TENM4: variants seen among roughly 807,000 people sequenced by gnomAD.
TENM4 encodes teneurin transmembrane protein 4.
Under a neutral mutation model 243.3 loss-of-function variants are expected in TENM4, and 82 were observed. The ratio of observed to expected loss-of-function variants is 0.34; its 90% CI spans 0.28 to 0.40. The LOEUF (loss-of-function observed/expected upper bound fraction) is 0.40. Ranked by LOEUF, TENM4 falls within the 10% of genes least tolerant of loss-of-function variation. TENM4 has a pLI of 1.00. For missense variants in TENM4, 3,138 were observed against 3,673.3 expected (o/e 0.85, Z 3.77); for synonymous variants, 1,412 against 1,456.3 (o/e 0.97, Z 0.69).
chr11:78,804,620 T>C (rs1239777681), intron 15 of TENM4, among the ~76,000 whole-genome samples: 8 of 152,172 alleles, frequency 5.3e-5, no homozygotes, highest in Non-Finnish European at 1.2e-4. Context: ...CTTTGTACCT[T>C]ATATGTACAA....
chr11:79,372,638 G>A (rs1001494207), intron 1 of TENM4, among the ~76,000 whole-genome samples: 1 of 152,204 alleles, frequency 6.6e-6, no homozygotes, highest in African/African-American at 2.4e-5. Flanking sequence ...CTTTGAGAAT[G>A]TGGACAAGTC....
chr11:79,328,787 C>CAT (rs10644121), intron 1 of TENM4, among the ~76,000 whole-genome samples: 116,191 of 151,324 alleles, frequency 0.77, 44,971 homozygotes, highest in South Asian at 0.86. Flanking sequence ...GTTAAGCATG[C>CAT]ATATATATAT....
chr11:79,402,005 A>T (rs1318676800), intron 1 of TENM4: 1 of 393,052 alleles, frequency 2.5e-6, no homozygotes, highest in African/African-American at 2.0e-5. Flanking sequence ...GTGAGAAGAG[A>T]GATGACTAGG....
chr11:78,835,143 C>T (rs1448540693), intron 12 of TENM4, among the ~76,000 whole-genome samples: 3 of 152,154 alleles, frequency 2.0e-5, no homozygotes, highest in Non-Finnish European at 2.9e-5. Flanking sequence ...CAACCACAAG[C>T]TCCTCTCAGT....
chr11:78,922,811 C>G (rs1856474177), intron 6 of TENM4, among the ~76,000 whole-genome samples: 1 of 152,116 alleles, frequency 6.6e-6, no homozygotes, highest in South Asian at 2.1e-4. Flanking sequence ...GTTAGGTGCA[C>G]CCGGAGGTAG....
chr11:79,032,524 C>T (rs896088077), intron 6 of TENM4, among the ~76,000 whole-genome samples: 2 of 152,126 alleles, frequency 1.3e-5, no homozygotes, highest in African/African-American at 4.8e-5. Context: ...AAAGGCGCCT[C>T]CTGCAGTGAG....
intron 6 of TENM4, among the ~76,000 whole-genome samples, chr11:78,928,275 C>T (rs1856594073): frequency 6.6e-6 from 1 of 152,198 alleles, no homozygotes; most frequent in African/African-American, 2.4e-5. Flanking sequence ...CTGTCCTACC[C>T]AGCTTGCTGG....
At chr11:79,370,015 C>G (rs963250977) in intron 1 of TENM4, among the ~76,000 whole-genome samples, 1 of 152,198 alleles carries the variant, frequency 6.6e-6, no homozygotes, top group African/African-American at 2.4e-5. Context: ...GCTGCTTCCT[C>G]ATTCTGGGTC....
rs141971568 is a variant in TENM4, at chr11:78,661,956, G to A, written c.7409-365C>T. Among the ~76,000 whole-genome samples, 232 of 152,198 alleles carry A rather than the reference G, an allele frequency of 1.5e-3. 5 individuals carry two copies. In the East Asian group the frequency reaches 0.041, roughly 27 times the overall value. Reference sequence around the variant, plus strand: ...ACATCCATAGGAGATACTTACAAAGGACAGCCAGACCCACCAAAAGAAAAG... The same window carrying A: ...ACATCCATAGGAGATACTTACAAAGAACAGCCAGACCCACCAAAAGAAAAG... On this transcript the variant is annotated intron_variant, in intron 32 of 33. Transcript: ENST00000278550.
intron 6 of TENM4, among the ~76,000 whole-genome samples, chr11:78,972,355 T>G (rs1030328965): frequency 6.6e-6 from 1 of 152,172 alleles, no homozygotes; most frequent in African/African-American, 2.4e-5. Flanking sequence ...CCAGGCCATT[T>G]GTCTCTGTGA....
At position 79,069,812 on chromosome 11, in the gene TENM4, G is replaced by C. The variant is rs1860361502; in HGVS notation, c.133C>G (p.Leu45Val). Residue 45 changes from leucine (L) to valine (V), a missense_variant, in exon 5 of 34, where the codon CTG becomes GTG. By Grantham distance (32) the Leu-to-Val change is conservative (BLOSUM62 1). Transcript: ENST00000278550. ...CGGGCGTCCTGGTCGTAGGCCTTCA[G>C]GGTCTCGCTGGAGCTGTACGATTTC... Reference protein sequence around the residue: ...PQKSYSSSETLKAYDQDARLA... With the variant: ...PQKSYSSSETVKAYDQDARLA... 1 of 1,551,038 alleles carries C rather than the reference G, an allele frequency of 6.4e-7. No homozygotes were observed. The highest frequency in any genetic ancestry group is 8.7e-7 in the Non-Finnish European group (1 of 1,146,920).
At chr11:78,997,725 A>T (rs1214113952) in intron 6 of TENM4, among the ~76,000 whole-genome samples, 1 of 152,232 alleles carries the variant, frequency 6.6e-6, no homozygotes, top group African/African-American at 2.4e-5. Context: ...AGCAAGAGAA[A>T]GCTAAGTTCT....
rs539640460 is a variant in TENM4 at position 78,748,004 on chromosome 11, G to T, written c.2756+8801C>A. On this transcript the variant is annotated intron_variant, in intron 19 of 33. Coordinates refer to ENST00000278550, the MANE Select transcript of TENM4 (RefSeq NM_001098816.3). ...TTGGAGATTCCTCTTCCAGCACAGA[G>T]GGCTGATGGTCTGGAAGGTCCATTC... is the stretch of plus-strand genomic sequence containing the variant. 3.3e-5 allele frequency among the ~76,000 whole-genome samples: 5 copies of T among 152,278 alleles called. No homozygotes were observed. The East Asian group carries it at 7.7e-4, about 24-fold the overall frequency.
At chr11:78,819,458 C>G (rs897247676) in intron 12 of TENM4, among the ~76,000 whole-genome samples, 1 of 152,178 alleles carries the variant, frequency 6.6e-6, no homozygotes. Flanking sequence ...ACTACCTGGA[C>G]AGCCCAATTG....
chr11:78,816,372 C>T (rs1350476473), intron 12 of TENM4, among the ~76,000 whole-genome samples: 1 of 152,220 alleles, frequency 6.6e-6, no homozygotes, highest in Admixed American at 6.5e-5. Flanking sequence ...TCTTTCTTTG[C>T]AATCCCAACC....
rs373829534 is a variant in TENM4, at chr11:78,738,402, C to A, written c.2876+49G>T. ...GTCCAGCAGCAGCTATATGGCAAGACCACAAGAGCGGGACCTTCACTGTTT... is the reference window on the plus strand; with the variant it reads ...GTCCAGCAGCAGCTATATGGCAAGAACACAAGAGCGGGACCTTCACTGTTT... On this transcript the variant is annotated intron_variant, in intron 20 of 33. Transcript: ENST00000278550. 1.2e-5 allele frequency: 19 copies of A among 1,583,008 alleles called. No individual in the cohort carries two copies. The African/African-American group carries it at 2.3e-4, about 19-fold the overall frequency.
intron 1 of TENM4, among the ~76,000 whole-genome samples, chr11:79,411,733 C>G (rs1419699079): frequency 6.6e-6 from 1 of 152,172 alleles, no homozygotes; most frequent in Non-Finnish European, 1.5e-5. Flanking sequence ...TCTCCAGGCA[C>G]AGTTGTAAGC....
chr11:78,893,449 T>C (rs1175315738), intron 7 of TENM4, among the ~76,000 whole-genome samples: 1 of 152,208 alleles, frequency 6.6e-6, no homozygotes, highest in Non-Finnish European at 1.5e-5. Flanking sequence ...AACCCTCCAA[T>C]GGCTTCATAA....
chr11:78,988,547 C>T (rs980794380), intron 6 of TENM4, among the ~76,000 whole-genome samples: 1 of 152,230 alleles, frequency 6.6e-6, no homozygotes, highest in Non-Finnish European at 1.5e-5. Flanking sequence ...AAAGAAGTCA[C>T]ACATACACAC....
Sources: allele counts gnomAD v4.1 joint callset (sites outside exome capture counted in the v4.1 genomes callset), GRCh38; gene constraint gnomAD v4.1.1; transcripts MANE v1.5; gene names NCBI Gene and HGNC (gene_info 2026-07-23, HGNC 2026-07-21).